CPLX1: variants seen among roughly 807,000 people sequenced by gnomAD.
CPLX1 encodes the protein complexin-1.
In CPLX1, 6 loss-of-function variants were observed where a neutral mutation model predicts 15.6. The ratio of observed to expected loss-of-function variants is 0.39; its 90% CI spans 0.21 to 0.76. CPLX1 has a LOEUF of 0.76. CPLX1 is among the 30% of genes least tolerant of loss of function. The pLI, the probability that CPLX1 is intolerant of heterozygous loss-of-function variation, is 0.43. For synonymous variants in CPLX1, 91 were observed against 75.2 expected (o/e 1.21, Z -1.08); for missense variants, 242 against 188.6 (o/e 1.28, Z -1.66).
At chr4:792,089 C>G (rs1280283307) in intron 3 of CPLX1, among the ~76,000 whole-genome samples, 1 of 152,148 alleles carries the variant, frequency 6.6e-6, no homozygotes, top group Non-Finnish European at 1.5e-5. Context: ...CCGGGCTCAC[C>G]TGAGAGCGCA....
intron 3 of CPLX1, among the ~76,000 whole-genome samples, chr4:791,063 C>T (rs1425914115): frequency 1.3e-5 from 2 of 152,076 alleles, no homozygotes; most frequent in Non-Finnish European, 2.9e-5. Flanking sequence ...CTGTCCCCGT[C>T]TCCCGCTCCT....
intron 2 of CPLX1, among the ~76,000 whole-genome samples, chr4:809,185 G>GT (rs1160292859): frequency 2.6e-5 from 4 of 152,262 alleles, no homozygotes; most frequent in Non-Finnish European, 4.4e-5. Flanking sequence ...GCTGTGAACC[G>GT]TATCTTGCGG....
At chr4:809,136 G>A (rs1746611386) in intron 2 of CPLX1, among the ~76,000 whole-genome samples, 2 of 152,278 alleles carry the variant, frequency 1.3e-5, no homozygotes, top group Admixed American at 1.3e-4. Flanking sequence ...TTAGCAAAGT[G>A]AGGATGGTTC....
chr4:810,359 G>T (rs1011050382), intron 2 of CPLX1, among the ~76,000 whole-genome samples: 1 of 152,134 alleles, frequency 6.6e-6, no homozygotes, highest in Non-Finnish European at 1.5e-5. Context: ...TTGGGTCTGC[G>T]CTTTCATTTC....
Position 786,379 on chromosome 4 carries a change from G to A in CPLX1, c.*122C>T, listed in dbSNP as rs866209209. The A allele has an allele frequency of 1.3e-5, 15 of 1,114,748 alleles. No individual in the cohort carries two copies. In the African/African-American group the frequency reaches 1.5e-4, roughly 11 times the overall value. 69.1% of individuals were successfully genotyped at this position (1,114,748 alleles called of 1,614,324 possible). On this transcript the variant is annotated 3_prime_UTR_variant, in exon 4 of 4. Coordinates refer to ENST00000304062, the MANE Select transcript of CPLX1 (RefSeq NM_006651.4). ...GGGAGGCGGCGGGCGCGGGCAGGGC[G>A]GGCCTGGGGCTATGGCTTATATCGG... is the stretch of plus-strand genomic sequence containing the variant.
intron 2 of CPLX1, chr4:804,834 G>A: frequency 1.0e-6 from 1 of 984,618 alleles, no homozygotes. Flanking sequence ...GGCAAGCGTG[G>A]GGAGCGACGT....
chr4:791,205 G>C (rs918940999), intron 3 of CPLX1, among the ~76,000 whole-genome samples: 1 of 151,710 alleles, frequency 6.6e-6, no homozygotes, highest in Non-Finnish European at 1.5e-5. Flanking sequence ...GGGGCGGAGG[G>C]GTGGGCTGGA....
At chr4:794,464 A>G (rs1577472174) in intron 2 of CPLX1, among the ~76,000 whole-genome samples, 1 of 152,208 alleles carries the variant, frequency 6.6e-6, no homozygotes, top group African/African-American at 2.4e-5. Flanking sequence ...CGCATCTGCC[A>G]TGTTTTGCAA....
chr4:804,792 A>C (rs1746522729), intron 2 of CPLX1: 1 of 985,424 alleles, frequency 1.0e-6, no homozygotes, highest in South Asian at 4.7e-5. Context: ...AGAGTCCCAG[A>C]GACGGCTCTG....
At chr4:791,183 G>GGCGGGGGGCGGGGA (rs1560236917) in intron 3 of CPLX1, among the ~76,000 whole-genome samples, 5 of 148,970 alleles carry the variant, frequency 3.4e-5, no homozygotes, top group African/African-American at 1.0e-4. Context: ...CGGGGCGGGG[G>GGCGGGGGGCGGGGA]GCGGGGAGCG....
chr4:791,369 G>C (rs1442655313), intron 3 of CPLX1, among the ~76,000 whole-genome samples: 1 of 152,104 alleles, frequency 6.6e-6, no homozygotes, highest in Non-Finnish European at 1.5e-5. Context: ...GGCTGCGAGG[G>C]ACCGGAGGGT....
chr4:818,906 C>CG (rs1746811211), intron 2 of CPLX1, among the ~76,000 whole-genome samples: 1 of 152,210 alleles, frequency 6.6e-6, no homozygotes, highest in African/African-American at 2.4e-5. Context: ...CGCCTCATCC[C>CG]GGGGGACCGC....
At position 822,620 on chromosome 4, in the gene CPLX1, C is replaced by T. The variant is rs555507100; in HGVS notation, c.31+1872G>A. On this transcript the variant is annotated intron_variant, in intron 2 of 3. Coordinates refer to ENST00000304062, the MANE Select transcript of CPLX1 (RefSeq NM_006651.4). ...TCCTGGGTGCCTCCTGCTCCCTCTC[C>T]TGCCAGCTTCTTTGTGTCCGGGGCT... Among the ~76,000 whole-genome samples, 14 of 152,282 alleles carry T rather than the reference C, an allele frequency of 9.2e-5. No homozygotes were observed. In the South Asian group the frequency reaches 2.7e-3, roughly 29 times the overall value.
At chr4:791,162 T>C (rs1179729645) in intron 3 of CPLX1, among the ~76,000 whole-genome samples, 1 of 126,364 alleles carries the variant, frequency 7.9e-6, no homozygotes, top group East Asian at 2.7e-4. Context: ...CCTGAAGCCC[T>C]GGGTCAGCTG....
At chr4:804,753 C>T in intron 2 of CPLX1, 1 of 985,448 alleles carries the variant, frequency 1.0e-6, no homozygotes, top group Non-Finnish European at 1.2e-6. Flanking sequence ...AGTGAAAACG[C>T]ACCTTGCGGG....
At chr4:810,448 T>C (rs79822845) in intron 2 of CPLX1, among the ~76,000 whole-genome samples, 2 of 152,184 alleles carry the variant, frequency 1.3e-5, no homozygotes, top group African/African-American at 4.8e-5. Flanking sequence ...ACAGCCAAGC[T>C]GTTTTCCAGT....
intron 2 of CPLX1, among the ~76,000 whole-genome samples, chr4:823,889 C>T (rs764235273): frequency 5.3e-5 from 8 of 152,266 alleles, no homozygotes; most frequent in Non-Finnish European, 1.2e-4. Context: ...AAAGGCTGCA[C>T]GTCCCGCCTG....
chr4:804,805 G>A, intron 2 of CPLX1: 2 of 985,398 alleles, frequency 2.0e-6, no homozygotes, highest in Non-Finnish European at 2.4e-6. Flanking sequence ...CGGCTCTGGC[G>A]GTCGTCAGCC....
intron 3 of CPLX1, 47 bp from the exon 4 acceptor site, chr4:786,745 G>A (rs1375243727): frequency 4.6e-6 from 7 of 1,538,310 alleles, no homozygotes; most frequent in Non-Finnish European, 5.2e-6. Context: ...CGGCTCCCGG[G>A]CGGGCCGCAG....
Sources: gnomAD v4.1 joint callset for allele counts (sites outside exome capture counted in the v4.1 genomes callset) on GRCh38, gnomAD v4.1.1 for gene constraint, MANE v1.5 for transcripts, NCBI Gene and HGNC (gene_info 2026-07-23, HGNC 2026-07-21) for gene names.